Variants in NAV3 observed in about 807,000 individuals in gnomAD.
NAV3 encodes pore membrane and/or filament interacting like protein 1.
In NAV3, 87 loss-of-function variants were observed where a neutral mutation model predicts 244.7. That is an observed-to-expected ratio of 0.36 (90% CI 0.30 to 0.42). The LOEUF (loss-of-function observed/expected upper bound fraction) is 0.42, where lower values mean the gene tolerates loss of function less well. Ranked by LOEUF, NAV3 falls within the 20% of genes least tolerant of loss-of-function variation. NAV3 has a pLI of 1.00. For synonymous variants in NAV3, 1,126 were observed against 1,042.2 expected (o/e 1.08, Z -1.55); for missense variants, 2,663 against 2,893.3 (o/e 0.92, Z 1.83).
chr12:77,617,706 G>A (rs1174911006), intron 2 of NAV3, among the ~76,000 whole-genome samples: 1 of 152,114 alleles, frequency 6.6e-6, no homozygotes, highest in African/African-American at 2.4e-5. Context: ...TGGAAAATTG[G>A]ATCTATTGAT....
At chr12:77,587,670 A>G (rs770122346) in intron 2 of NAV3, among the ~76,000 whole-genome samples, 1 of 152,366 alleles carries the variant, frequency 6.6e-6, no homozygotes, top group East Asian at 1.9e-4. Context: ...AGTCACAGAA[A>G]AGCTTGGTGA....
intron 7 of NAV3, among the ~76,000 whole-genome samples, chr12:78,005,299 G>T (rs1274754236): frequency 6.6e-6 from 1 of 152,166 alleles, no homozygotes; most frequent in East Asian, 1.9e-4. Flanking sequence ...GCTAGCCAAG[G>T]TTCTGAAAGT....
At chr12:78,179,738 A>G in intron 29 of NAV3, 56 bp downstream of exon 29, 1 of 1,550,836 alleles carries the variant, frequency 6.4e-7, no homozygotes, top group Non-Finnish European at 8.7e-7. Context: ...AATGCTGCTT[A>G]TTCTGTTCTC....
chr12:77,824,567 A>T (rs1872889387), intron 2 of NAV3, among the ~76,000 whole-genome samples: 1 of 152,056 alleles, frequency 6.6e-6, no homozygotes, highest in Non-Finnish European at 1.5e-5. Context: ...AGGTCCAATG[A>T]ACATAACACA....
chr12:77,928,238 AAAAAAG>A, intron 1 of NAV3, among the ~76,000 whole-genome samples: 1 of 151,142 alleles, frequency 6.6e-6, no homozygotes. Context: ...AAAAAAAAAA[AAAAAAG>A]AGAGAGAGGG....
At chr12:77,940,149 A>G (rs1889726863) in intron 1 of NAV3, 170 bp from the exon 2 acceptor site, 3 of 589,512 alleles carry the variant, frequency 5.1e-6, no homozygotes, top group South Asian at 2.2e-5. Flanking sequence ...TAAGTTGGGG[A>G]AAGAGCTGTT....
intron 20 of NAV3, among the ~76,000 whole-genome samples, chr12:78,142,231 T>A (rs889147726): frequency 6.6e-6 from 1 of 152,052 alleles, no homozygotes; most frequent in Non-Finnish European, 1.5e-5. Context: ...CATAAATACA[T>A]ACAACTATTG....
intron 20 of NAV3, among the ~76,000 whole-genome samples, chr12:78,144,487 C>T (rs150045446): frequency 2.6e-3 from 390 of 152,054 alleles, no homozygotes; most frequent in African/African-American, 9.0e-3. Context: ...TGGCTCATTG[C>T]TTTATTTTTA....
intron 2 of NAV3, among the ~76,000 whole-genome samples, chr12:77,659,137 C>A (rs1199288885): frequency 5.3e-5 from 8 of 151,638 alleles, no homozygotes; most frequent in Admixed American, 1.3e-4. Context: ...AGAGCTTCTG[C>A]ACAGCAAAAG....
intron 22 of NAV3, among the ~76,000 whole-genome samples, chr12:78,158,802 G>A (rs1023094714): frequency 1.3e-5 from 2 of 152,156 alleles, no homozygotes; most frequent in African/African-American, 4.8e-5. Flanking sequence ...GTATAAAAAT[G>A]AGGAATATTT....
chr12:77,781,633 A>G (rs1386487660), intron 2 of NAV3, among the ~76,000 whole-genome samples: 3 of 152,184 alleles, frequency 2.0e-5, no homozygotes, highest in Admixed American at 2.0e-4. Context: ...CACCTTGGGC[A>G]CATGTCATCA....
intron 1 of NAV3, among the ~76,000 whole-genome samples, chr12:77,904,115 T>A (rs1440390086): frequency 6.6e-6 from 1 of 152,202 alleles, no homozygotes; most frequent in East Asian, 1.9e-4. Context: ...GAACTAGAAT[T>A]ACCATTTGAC....
At chr12:78,006,393 T>C (rs780517571) in intron 7 of NAV3, 26 bp from the exon 8 acceptor site, 2 of 1,592,702 alleles carry the variant, frequency 1.3e-6, no homozygotes, top group Non-Finnish European at 1.7e-6. Flanking sequence ...CGCCTTTTCT[T>C]TATTTTTCTT....
intron 22 of NAV3, among the ~76,000 whole-genome samples, chr12:78,152,408 G>T (rs186431739): frequency 9.8e-4 from 148 of 151,534 alleles, no homozygotes; most frequent in African/African-American, 3.5e-3. Context: ...GTAAAATTTT[G>T]TATATATCTG....
intron 9 of NAV3, among the ~76,000 whole-genome samples, chr12:78,047,967 T>C (rs1052980967): frequency 5.9e-5 from 9 of 152,192 alleles, no homozygotes; most frequent in Admixed American, 6.5e-5. Flanking sequence ...TCATCTTCAA[T>C]CTCGGATATC....
chr12:77,638,140 A>T (rs1245912985), intron 2 of NAV3, among the ~76,000 whole-genome samples: 1 of 152,204 alleles, frequency 6.6e-6, no homozygotes, highest in Admixed American at 6.5e-5. Flanking sequence ...TCTTATGAGG[A>T]AAATTAATGT....
At chr12:77,663,936 C>T (rs1005552954) in intron 2 of NAV3, among the ~76,000 whole-genome samples, 13 of 152,098 alleles carry the variant, frequency 8.5e-5, no homozygotes, top group African/African-American at 1.9e-4. Context: ...TAGTCCCTGG[C>T]GTATAATAAG....
chr12:78,077,939 C>G (rs1026352341), intron 12 of NAV3, among the ~76,000 whole-genome samples: 2 of 152,026 alleles, frequency 1.3e-5, no homozygotes, highest in African/African-American at 4.8e-5. Flanking sequence ...AACTCTGCCT[C>G]AAAAACAAAA....
chr12:78,202,357 C>A (rs1959800246), intron 38 of NAV3, among the ~76,000 whole-genome samples: 1 of 151,916 alleles, frequency 6.6e-6, no homozygotes, highest in African/African-American at 2.4e-5. Context: ...AAATAAAATT[C>A]TCCTCATTTA....
Sources: allele counts gnomAD v4.1 joint callset (sites outside exome capture counted in the v4.1 genomes callset), GRCh38; gene constraint gnomAD v4.1.1; transcripts MANE v1.5; gene names NCBI Gene and HGNC (gene_info 2026-07-23, HGNC 2026-07-21).